The following HNRNPA1L2 variants were observed in gnomAD, a reference collection of about 807,000 sequenced individuals.
HNRNPA1L2 encodes the protein heterogeneous nuclear ribonucleoprotein A1 like 2.
A neutral mutation model predicts 18.2 loss-of-function variants in HNRNPA1L2; 10 were observed. The observed-to-expected ratio is 0.55, with a 90% confidence interval of 0.34 to 0.93. The LOEUF (loss-of-function observed/expected upper bound fraction) is 0.93, where lower values mean the gene tolerates loss of function less well. Among genes scored for constraint, HNRNPA1L2 ranks in the 40% least tolerant of loss-of-function variants. The probability of loss-of-function intolerance (pLI) is 0.02; values close to 1 mark genes in which losing one functional copy is unlikely to be tolerated. For missense variants in HNRNPA1L2, 308 were observed against 394.4 expected (o/e 0.78, Z 1.85); for synonymous variants, 124 against 138.6 (o/e 0.89, Z 0.74).
the HNRNPA1L2 span, chr13:52,617,713 G>C: frequency 3.0e-5 from 13 of 435,584 alleles, no homozygotes; most frequent in Non-Finnish European, 3.8e-5. Flanking sequence ...TGGCTCCGCA[G>C]GTCCTCGGGC....
rs760478660 is a variant in HNRNPA1L2 at position 52,642,483 on chromosome 13, C to T, written c.-10C>T. 6.2e-6 allele frequency: 10 copies of T among 1,611,580 alleles called. No individual in the cohort carries two copies. Among genetic ancestry groups the T allele is most frequent in the Non-Finnish European group, 8.5e-6 (10 of 1,179,768 alleles). ...GAAGCATCGTTAAAGTCTCTCTTCA[C>T]CTTGCCGTCATGTCTAAGTCAGCGT... On this transcript the variant is annotated 5_prime_UTR_variant, in exon 1 of 1. Coordinates refer to ENST00000357495, the MANE Select transcript of HNRNPA1L2 (RefSeq NM_001389320.1).
chr13:52,633,085 C>T, the HNRNPA1L2 span, among the ~76,000 whole-genome samples: 1 of 152,162 alleles, frequency 6.6e-6, no homozygotes, highest in Non-Finnish European at 1.5e-5. Flanking sequence ...GAGGTGAGTA[C>T]TACTGATTAC....
At chr13:52,624,888 G>A in the HNRNPA1L2 span, among the ~76,000 whole-genome samples, 5 of 152,124 alleles carry the variant, frequency 3.3e-5, no homozygotes, top group East Asian at 1.9e-4. Context: ...AAAATTAGCC[G>A]GGTGTGGTGG....
the HNRNPA1L2 span, among the ~76,000 whole-genome samples, chr13:52,620,243 A>G: frequency 6.6e-6 from 1 of 152,172 alleles, no homozygotes; most frequent in African/African-American, 2.4e-5. Context: ...CATCAGAAGC[A>G]CCTGGGTCTT....
chr13:52,620,892 A>C, the HNRNPA1L2 span, among the ~76,000 whole-genome samples: 2 of 151,794 alleles, frequency 1.3e-5, no homozygotes, highest in Non-Finnish European at 1.5e-5. Flanking sequence ...AAAAAAAAAT[A>C]ATTTCTATAT....
the HNRNPA1L2 span, among the ~76,000 whole-genome samples, chr13:52,630,246 T>C: frequency 6.6e-6 from 1 of 152,222 alleles, no homozygotes; most frequent in Non-Finnish European, 1.5e-5. Flanking sequence ...TTTGGCATGG[T>C]CTGACAAAAG....
chr13:52,623,193 A>G, the HNRNPA1L2 span, among the ~76,000 whole-genome samples: 2 of 152,224 alleles, frequency 1.3e-5, no homozygotes, highest in African/African-American at 4.8e-5. Flanking sequence ...ATATAAATAC[A>G]TATCAAGAAT....
chr13:52,642,126 C>G, upstream of HNRNPA1L2: 1 of 248,666 alleles, frequency 4.0e-6, no homozygotes, highest in East Asian at 9.0e-5. Flanking sequence ...TAGTTATATA[C>G]CCCTTCTTAA....
chr13:52,625,354 A>T, the HNRNPA1L2 span, among the ~76,000 whole-genome samples: 10 of 152,036 alleles, frequency 6.6e-5, no homozygotes, highest in Admixed American at 5.9e-4. Flanking sequence ...ACCTCAGGTG[A>T]TCCACCTGCC....
rs370149415 is a variant in HNRNPA1L2 at position 52,642,449 on chromosome 13, G to A, written c.-44G>A. On this transcript the variant is annotated 5_prime_UTR_variant, in exon 1 of 1. Coordinates refer to ENST00000357495, the MANE Select transcript of HNRNPA1L2 (RefSeq NM_001389320.1). ...TGGTGGACTTTTTCTGCCCGTGGAC[G>A]CCGCTGAAGAAGCATCGTTAAAGTC... 38 of 1,604,450 alleles carry A rather than the reference G, an allele frequency of 2.4e-5. No individual in the cohort carries two copies. The highest frequency in any genetic ancestry group is 6.8e-5 in the Admixed American group (4 of 58,756).
At chr13:52,617,871 G>A in the HNRNPA1L2 span, among the ~76,000 whole-genome samples, 3 of 152,292 alleles carry the variant, frequency 2.0e-5, no homozygotes, top group Admixed American at 1.3e-4. Context: ...GAAACATAGC[G>A]TGCGTGGAAG....
chr13:52,637,078 T>C, the HNRNPA1L2 span, among the ~76,000 whole-genome samples: 1 of 152,090 alleles, frequency 6.6e-6, no homozygotes, highest in Non-Finnish European at 1.5e-5. Context: ...CCACCTTGGC[T>C]TCCCAAAGTG....
the HNRNPA1L2 span, among the ~76,000 whole-genome samples, chr13:52,629,702 T>C: frequency 2.6e-5 from 4 of 152,242 alleles, no homozygotes; most frequent in Non-Finnish European, 5.9e-5. Context: ...TAAATATCAA[T>C]GCCTAATACT....
chr13:52,618,406 GTAACTTCCATGCA>G, the HNRNPA1L2 span, among the ~76,000 whole-genome samples: 19 of 152,352 alleles, frequency 1.2e-4, no homozygotes, highest in Middle Eastern at 6.8e-3. Context: ...ATTCCACTGT[GTAACTTCCATGCA>G]TAACACTCAG....
Position 52,642,694 on chromosome 13 carries a change from G to C in HNRNPA1L2, c.202G>C (p.Val68Leu). 2 of 1,608,022 alleles carry C rather than the reference G, an allele frequency of 1.2e-6. No homozygotes were observed. Among genetic ancestry groups the C allele is most frequent in the East Asian group, 4.5e-5 (2 of 44,872 alleles). ...GFVTYATVEE[V>L]DAAMNTTPHK... ...TGTCACATATGCCACTGTGGAGGAG[G>C]TGGATGCAGCTATGAATACAACGCC... is the stretch of plus-strand genomic sequence containing the variant. The change falls in exon 1 of 1, where the codon GTG becomes CTG. Residue 68 changes from valine (V) to leucine (L), a missense_variant. Physicochemically the swap from Val to Leu is conservative, Grantham distance 32. Transcript: ENST00000357495.
the HNRNPA1L2 span, among the ~76,000 whole-genome samples, chr13:52,631,448 C>T: frequency 6.6e-6 from 1 of 152,202 alleles, no homozygotes; most frequent in African/African-American, 2.4e-5. Context: ...AAGGCATTTC[C>T]TCTCTGCCGT....
the HNRNPA1L2 span, among the ~76,000 whole-genome samples, chr13:52,633,885 C>G: frequency 6.6e-6 from 1 of 152,152 alleles, no homozygotes; most frequent in Non-Finnish European, 1.5e-5. Context: ...TTTAATCTTT[C>G]TACCAGTTAT....
the HNRNPA1L2 span, among the ~76,000 whole-genome samples, chr13:52,621,696 G>A: frequency 6.6e-6 from 1 of 152,274 alleles, no homozygotes; most frequent in East Asian, 1.9e-4. Context: ...TTAATGGGCT[G>A]TGAGGTGCAT....
chr13:52,640,148 C>G (rs1303620285), upstream of HNRNPA1L2, among the ~76,000 whole-genome samples: 3 of 152,126 alleles, frequency 2.0e-5, no homozygotes, highest in Admixed American at 6.5e-5. Context: ...ACCATGTTTT[C>G]CTGTCTGGTC....
Sources: gnomAD v4.1 joint callset for allele counts (sites outside exome capture counted in the v4.1 genomes callset) on GRCh38, gnomAD v4.1.1 for gene constraint, MANE v1.5 for transcripts, NCBI Gene and HGNC (gene_info 2026-07-23, HGNC 2026-07-21) for gene names.